Variants in DNAJC12 observed in about 807,000 individuals in gnomAD.
DNAJC12 encodes the protein DnaJ heat shock protein family (Hsp40) member C12.
Under a neutral mutation model 28.5 loss-of-function variants are expected in DNAJC12, and 25 were observed. The ratio of observed to expected loss-of-function variants is 0.88; its 90% CI spans 0.64 to 1.22. The LOEUF (loss-of-function observed/expected upper bound fraction) is 1.22. Ranked by LOEUF, DNAJC12 falls within the 50% of genes most tolerant of loss-of-function variation. The pLI is 0.00. For missense variants in DNAJC12, 222 were observed against 231.7 expected (o/e 0.96, Z 0.27); for synonymous variants, 77 against 80.6 (o/e 0.95, Z 0.24).
chr10:67,800,728 G>A (rs952157600), intron 4 of DNAJC12, among the ~76,000 whole-genome samples: 79 of 152,150 alleles, frequency 5.2e-4, no homozygotes, highest in African/African-American at 1.8e-3. Flanking sequence ...GGCAGATCAC[G>A]AGGTCAGGAG....
chr10:67,837,821 T>G lies in DNAJC12; in HGVS notation c.78+113A>C, dbSNP rs1418450276. ...AAAGTGCTTTAAAACAACACAAGGT[T>G]AGGTTTGTAGGCAATGTGACTAAAA... On this transcript the variant is annotated intron_variant, in intron 1 of 4. Transcript: ENST00000225171. The G allele has an allele frequency of 3.2e-5, 22 of 693,184 alleles. No individual in the cohort carries two copies. In the East Asian group the frequency reaches 6.7e-4, roughly 21 times the overall value. The allele number at this position is 693,184 out of a possible 1,614,324, so 42.9% of individuals were successfully genotyped here.
intron 2 of DNAJC12, among the ~76,000 whole-genome samples, chr10:67,813,881 C>T (rs1036586517): frequency 3.3e-5 from 5 of 151,714 alleles, no homozygotes; most frequent in African/African-American, 9.7e-5. Context: ...AGACATCCCA[C>T]GTTCATAAAG....
chr10:67,814,411 A>G (rs11817053), intron 2 of DNAJC12, among the ~76,000 whole-genome samples: 3,626 of 148,486 alleles, frequency 0.024, 151 homozygotes, highest in African/African-American at 0.085. Flanking sequence ...AAAAACTGGG[A>G]AAAAAAAAAC....
intron 2 of DNAJC12, among the ~76,000 whole-genome samples, chr10:67,822,523 G>A (rs1000305839): frequency 3.3e-5 from 5 of 152,160 alleles, no homozygotes; most frequent in Non-Finnish European, 7.4e-5. Context: ...GAGAAGAAGA[G>A]AGGCAGGAAA....
chr10:67,836,730 A>C (rs554180633), intron 1 of DNAJC12, among the ~76,000 whole-genome samples: 4 of 152,230 alleles, frequency 2.6e-5, no homozygotes, highest in African/African-American at 9.6e-5. Flanking sequence ...CTTCCTCAGC[A>C]TGGCAAAAAT....
intron 4 of DNAJC12, among the ~76,000 whole-genome samples, chr10:67,802,959 C>A (rs941603369): frequency 4.0e-5 from 6 of 150,930 alleles, no homozygotes; most frequent in East Asian, 2.0e-4. Context: ...ACACACACAC[C>A]CGGGCTCAAG....
chr10:67,810,389 G>A (rs1841847401), intron 3 of DNAJC12, among the ~76,000 whole-genome samples: 2 of 152,134 alleles, frequency 1.3e-5, no homozygotes, highest in South Asian at 2.1e-4. Flanking sequence ...TTAAAAAAAT[G>A]TGGCACCCCT....
intron 2 of DNAJC12, among the ~76,000 whole-genome samples, chr10:67,815,073 G>T (rs754051164): frequency 1.6e-4 from 25 of 152,080 alleles, no homozygotes; most frequent in Non-Finnish European, 3.4e-4. Context: ...ACTCATAATA[G>T]CCAAAAGTGA....
chr10:67,805,636 T>C lies in DNAJC12; in HGVS notation c.449A>G (p.Lys150Arg). 2 of 1,613,652 alleles carry C rather than the reference T, an allele frequency of 1.2e-6. No individual in the cohort carries two copies. The highest frequency in any genetic ancestry group is 1.7e-6 in the Non-Finnish European group (2 of 1,179,832). Residue 150 changes from lysine to arginine, a missense_variant, in exon 4 of 5, where the codon AAA becomes AGA. Lys to Arg is a conservative substitution (Grantham distance 26). Transcript: ENST00000225171. ...TGACTTCTCTAGGGGCTTGGGTTCT[T>C]TCTGCTCCGTTTTCTCTGCGGTTGA... The part of the protein sequence containing the change: ...LASTAEKTEQ[K>R]EPKPLEKSVS...
chr10:67,834,166 G>T, intron 1 of DNAJC12: 3 of 365,434 alleles, frequency 8.2e-6, no homozygotes, highest in South Asian at 2.4e-5. Context: ...ATGCCTCAGA[G>T]CTATAATTTT....
At chr10:67,819,303 C>A (rs1395138203) in intron 2 of DNAJC12, among the ~76,000 whole-genome samples, 1 of 151,266 alleles carries the variant, frequency 6.6e-6, no homozygotes, top group African/African-American at 2.4e-5. Context: ...CCACTGTACT[C>A]CAGACTGGGC....
At chr10:67,800,943 A>G (rs919254843) in intron 4 of DNAJC12, among the ~76,000 whole-genome samples, 3 of 148,776 alleles carry the variant, frequency 2.0e-5, no homozygotes, top group African/African-American at 7.4e-5. Context: ...ATTCTGTCTA[A>G]AAAAAAAAAA....
intron 2 of DNAJC12, among the ~76,000 whole-genome samples, chr10:67,819,932 G>A (rs1177905898): frequency 6.6e-6 from 1 of 152,148 alleles, no homozygotes; most frequent in Admixed American, 6.5e-5. Flanking sequence ...CTGCCTTACT[G>A]AGCTTCCAGA....
At chr10:67,833,403 T>C (rs1380775192) in intron 1 of DNAJC12, among the ~76,000 whole-genome samples, 2 of 151,112 alleles carry the variant, frequency 1.3e-5, no homozygotes, top group Non-Finnish European at 2.9e-5. Flanking sequence ...GCAGGACACC[T>C]AGGTCTAAGG....
At chr10:67,826,031 C>T (rs117967120) in intron 1 of DNAJC12, among the ~76,000 whole-genome samples, 3,952 of 152,108 alleles carry the variant, frequency 0.026, 68 homozygotes, top group Non-Finnish European at 0.04. Context: ...CTTTGAAAAA[C>T]GTTCTATCAC....
Position 67,800,998 on chromosome 10 carries a change from T to C in DNAJC12, c.503-3788A>G, listed in dbSNP as rs186251656. Among the ~76,000 whole-genome samples the C allele has an allele frequency of 3.9e-4, 59 of 152,324 alleles. 1 individual carries two copies. In the East Asian group the frequency reaches 7.9e-3, roughly 20 times the overall value. ...CTCCAAGATGTTACACAAAACTATTTTATTTTAGAACTGTATTTATCAGAA... is the reference window on the plus strand; with the variant it reads ...CTCCAAGATGTTACACAAAACTATTCTATTTTAGAACTGTATTTATCAGAA... On this transcript the variant is annotated intron_variant, in intron 4 of 4. Coordinates refer to ENST00000225171, the MANE Select transcript of DNAJC12 (RefSeq NM_021800.3).
intron 2 of DNAJC12, among the ~76,000 whole-genome samples, chr10:67,813,306 T>G (rs1841880850): frequency 6.6e-6 from 1 of 151,832 alleles, no homozygotes; most frequent in Non-Finnish European, 1.5e-5. Flanking sequence ...GAGGTTGCAG[T>G]GAGCCAAGAT....
At chr10:67,807,809 C>T (rs768397903) in intron 3 of DNAJC12, among the ~76,000 whole-genome samples, 75 of 152,160 alleles carry the variant, frequency 4.9e-4, no homozygotes, top group Non-Finnish European at 6.5e-4. Context: ...GTCTAATCCA[C>T]AGTAAATGCT....
At chr10:67,812,297 A>T (rs971873969) in intron 2 of DNAJC12, among the ~76,000 whole-genome samples, 1 of 152,140 alleles carries the variant, frequency 6.6e-6, no homozygotes, top group African/African-American at 2.4e-5. Context: ...TGTAGAGTAG[A>T]CAGACAATAG....
Sources: allele counts gnomAD v4.1 joint callset (sites outside exome capture counted in the v4.1 genomes callset), GRCh38; gene constraint gnomAD v4.1.1; transcripts MANE v1.5; gene names NCBI Gene and HGNC (gene_info 2026-07-23, HGNC 2026-07-21).